SLC8A3: variants seen among roughly 807,000 people sequenced by gnomAD.
SLC8A3 encodes solute carrier family 8 member A3, also known as sodium/calcium exchanger 3.
Under a neutral mutation model 65.4 loss-of-function variants are expected in SLC8A3, and 37 were observed. The observed-to-expected ratio is 0.57, with a 90% CI of 0.44 to 0.74. SLC8A3 has a LOEUF of 0.74. Ranked by LOEUF, SLC8A3 falls within the 30% of genes least tolerant of loss-of-function variation. The probability of loss-of-function intolerance (pLI) is 0.00; values close to 1 mark genes in which losing one functional copy is unlikely to be tolerated. For synonymous variants in SLC8A3, 461 were observed against 444.5 expected, an observed-to-expected ratio of 1.04 and a Z score of -0.47; for missense variants, 1,112 against 1,172.1, an observed-to-expected ratio of 0.95 and a Z score of 0.75.
chr14:70,154,056 G>A (rs1438668770), intron 2 of SLC8A3, among the ~76,000 whole-genome samples: 1 of 152,224 alleles, frequency 6.6e-6, no homozygotes, highest in Non-Finnish European at 1.5e-5. Context: ...TCTGAGCTGG[G>A]CATTAAGGAC....
chr14:70,137,786 CT>C (rs36057761), intron 2 of SLC8A3, among the ~76,000 whole-genome samples: 4,096 of 132,186 alleles, frequency 0.031, 210 homozygotes, highest in African/African-American at 0.11. Flanking sequence ...CTGGTGGTGC[CT>C]TTTTTTTTTT....
intron 2 of SLC8A3, among the ~76,000 whole-genome samples, chr14:70,132,379 T>C (rs1894897316): frequency 6.6e-6 from 1 of 152,220 alleles, no homozygotes; most frequent in Non-Finnish European, 1.5e-5. Flanking sequence ...AATATGTTAG[T>C]GCTTTTAAAA....
At chr14:70,092,362 C>T (rs1292506198) in intron 2 of SLC8A3, among the ~76,000 whole-genome samples, 1 of 152,176 alleles carries the variant, frequency 6.6e-6, no homozygotes, top group East Asian at 1.9e-4. Flanking sequence ...TCCAGACCCA[C>T]ATGGATCCCC....
intron 2 of SLC8A3, chr14:70,064,072 G>C (rs1168968282): frequency 1.7e-6 from 1 of 589,158 alleles, no homozygotes. Context: ...GCACGGAGGA[G>C]AGTGGCTGCC....
At chr14:70,121,262 G>A (rs1038158968) in intron 2 of SLC8A3, among the ~76,000 whole-genome samples, 3 of 152,182 alleles carry the variant, frequency 2.0e-5, no homozygotes, top group Non-Finnish European at 4.4e-5. Flanking sequence ...CTGAGTCATG[G>A]CCTTGGAAAG....
chr14:70,154,989 G>A (rs576435894), intron 2 of SLC8A3, among the ~76,000 whole-genome samples: 77 of 146,712 alleles, frequency 5.2e-4, no homozygotes, highest in African/African-American at 1.7e-3. Context: ...GCGTGATCTC[G>A]GCTCACTGCA....
At chr14:70,063,672 A>T in intron 2 of SLC8A3, 1 of 572,596 alleles carries the variant, frequency 1.7e-6, no homozygotes, top group Non-Finnish European at 3.1e-6. Context: ...AGGAGTGAAA[A>T]GAGAGCAGGA....
At chr14:70,139,025 T>A (rs1330790042) in intron 2 of SLC8A3, among the ~76,000 whole-genome samples, 2 of 152,094 alleles carry the variant, frequency 1.3e-5, no homozygotes, top group Non-Finnish European at 2.9e-5. Flanking sequence ...GCAATTGGAG[T>A]GCCAAACTGA....
Position 70,121,350 on chromosome 14 carries a change from C to T in SLC8A3, c.1784+45289G>A, listed in dbSNP as rs1008883314. 4.6e-5 allele frequency among the ~76,000 whole-genome samples: 7 copies of T among 152,142 alleles called. 1 individual carries two copies. Among genetic ancestry groups the T allele is most frequent in the African/African-American group, 1.7e-4 (7 of 41,420 alleles). On this transcript the variant is annotated intron_variant, in intron 2 of 6. Transcript: ENST00000356921. Reference sequence around the variant, plus strand: ...TGATTGTTTCTCACAGCAGTGCCACCCAAATTCCTTGCTTCAAAAACCTCT... The same window carrying T: ...TGATTGTTTCTCACAGCAGTGCCACTCAAATTCCTTGCTTCAAAAACCTCT...
chr14:70,050,337 G>A (rs940828655), intron 5 of SLC8A3, among the ~76,000 whole-genome samples: 3 of 152,106 alleles, frequency 2.0e-5, no homozygotes, highest in Non-Finnish European at 4.4e-5. Flanking sequence ...TGACCCTGTG[G>A]GTTGCTATGA....
chr14:70,098,921 C>T (rs1892377286), intron 2 of SLC8A3, among the ~76,000 whole-genome samples: 1 of 152,176 alleles, frequency 6.6e-6, no homozygotes, highest in African/African-American at 2.4e-5. Context: ...AGGTTTTCTA[C>T]TCCTTTGAGG....
intron 2 of SLC8A3, among the ~76,000 whole-genome samples, chr14:70,107,284 G>A (rs1566783957): frequency 6.6e-6 from 1 of 152,052 alleles, no homozygotes; most frequent in African/African-American, 2.4e-5. Context: ...TCAGATAACT[G>A]TAGTCAGTTG....
rs540319933 is a variant in SLC8A3, at chr14:70,060,270, C to T, written c.1888+566G>A. 106 of 194,126 alleles carry T rather than the reference C, an allele frequency of 5.5e-4. 1 individual carries two copies. Among genetic ancestry groups the T allele is most frequent in the African/African-American group, 2.5e-3 (106 of 42,272 alleles). 12.0% of individuals were successfully genotyped at this position (194,126 alleles called of 1,614,324 possible). On this transcript the variant is annotated intron_variant, in intron 3 of 6. Coordinates refer to ENST00000356921, the MANE Select transcript of SLC8A3 (RefSeq NM_182932.3). ...GTTCAAAGGAAGTTGGGGAATGCAG[C>T]AGAAAACTGTCAAAGCATCATTGCA...
intron 2 of SLC8A3, among the ~76,000 whole-genome samples, chr14:70,103,342 G>C (rs1892655812): frequency 6.6e-6 from 1 of 152,030 alleles, no homozygotes. Context: ...AAACAGGTAA[G>C]AATGAAAAGA....
chr14:70,170,147 A>C (rs1897429635), intron 1 of SLC8A3, among the ~76,000 whole-genome samples: 1 of 152,172 alleles, frequency 6.6e-6, no homozygotes, highest in Non-Finnish European at 1.5e-5. Context: ...CCCCTGTTTG[A>C]AGCCCTTTAG....
chr14:70,053,832 C>T (rs1887768659), intron 3 of SLC8A3, among the ~76,000 whole-genome samples: 1 of 152,204 alleles, frequency 6.6e-6, no homozygotes, highest in Non-Finnish European at 1.5e-5. Context: ...TTGATTGAGT[C>T]ACATGCCTTT....
rs552166874 is a variant in SLC8A3 at position 70,166,813 on chromosome 14, T to C, written c.1610A>G (p.Asp537Gly). 6.2e-7 allele frequency: 1 copy of C among 1,614,110 alleles called. No individual in the cohort carries two copies. The highest frequency in any genetic ancestry group is 2.2e-5 in the East Asian group (1 of 44,878). ...DHAGIFTFEC[D>G]TIHVSESIGV... ...AATACTCTCACTGACATGAATAGTA[T>C]CACATTCAAAAGTGAAGATGCCTGC... Residue 537 changes from aspartate (D) to glycine (G), a missense_variant, in exon 2 of 7, where the codon GAT (aspartate) becomes GGT (glycine). Physicochemically the swap from Asp to Gly is moderately conservative, Grantham distance 94. Transcript: ENST00000356921.
At chr14:70,144,755 A>G (rs958275210) in intron 2 of SLC8A3, among the ~76,000 whole-genome samples, 5 of 152,194 alleles carry the variant, frequency 3.3e-5, no homozygotes, top group African/African-American at 1.2e-4. Flanking sequence ...CAGTCATCAC[A>G]ACCTATATCA....
chr14:70,071,371 G>A (rs979000836), intron 2 of SLC8A3, among the ~76,000 whole-genome samples: 1 of 152,170 alleles, frequency 6.6e-6, no homozygotes, highest in Non-Finnish European at 1.5e-5. Context: ...ACGCTTAAAA[G>A]CAAAGAACTT....
Sources: allele counts gnomAD v4.1 joint callset (sites outside exome capture counted in the v4.1 genomes callset), GRCh38; gene constraint gnomAD v4.1.1; transcripts MANE v1.5; gene names NCBI Gene and HGNC (gene_info 2026-07-23, HGNC 2026-07-21).